The following SLC16A7 variants were observed in gnomAD, a reference collection of about 807,000 sequenced individuals.
SLC16A7 encodes solute carrier family 16 member 7.
A neutral mutation model predicts 34.9 loss-of-function variants in SLC16A7; 33 were observed. The observed-to-expected ratio is 0.94, with a 90% CI of 0.72 to 1.26. The LOEUF (loss-of-function observed/expected upper bound fraction) is 1.26. Among genes scored for constraint, SLC16A7 ranks in the 50% most tolerant of loss-of-function variants. The pLI is 0.00. For synonymous variants in SLC16A7, 201 were observed against 206.6 expected (o/e 0.97, Z 0.23); for missense variants, 573 against 578.1 (o/e 0.99, Z 0.09).
chr12:59,653,752 A>G (rs1565632471), intron 1 of SLC16A7, among the ~76,000 whole-genome samples: 1 of 151,700 alleles, frequency 6.6e-6, no homozygotes, highest in African/African-American at 2.4e-5. Context: ...TCAGCCTAAA[A>G]TTCCTTCCAT....
chr12:59,679,616 G>A (rs1234648580), intron 2 of SLC16A7, among the ~76,000 whole-genome samples: 2 of 152,090 alleles, frequency 1.3e-5, no homozygotes, highest in Non-Finnish European at 2.9e-5. Flanking sequence ...ATCATATGAT[G>A]TAATTATCTA....
chr12:59,628,311 T>A (rs138321923), intron 1 of SLC16A7, among the ~76,000 whole-genome samples: 1 of 152,026 alleles, frequency 6.6e-6, no homozygotes, highest in East Asian at 1.9e-4. Context: ...ATATTTTTAG[T>A]GTAAATTTTT....
chr12:59,691,270 C>T (rs770728592), intron 2 of SLC16A7, among the ~76,000 whole-genome samples: 2 of 151,936 alleles, frequency 1.3e-5, no homozygotes, highest in Non-Finnish European at 2.9e-5. Context: ...TCTGGAGCAT[C>T]GATTCAGTTG....
chr12:59,746,898 T>C (rs1389233078), intron 3 of SLC16A7, among the ~76,000 whole-genome samples: 2 of 152,164 alleles, frequency 1.3e-5, no homozygotes, highest in Admixed American at 6.5e-5. Context: ...GTAGTGACGA[T>C]CATAGCTTGC....
In SLC16A7 at chr12:59,638,455, A is replaced by G. The variant is rs138776991; in HGVS notation, c.-129-16697A>G. Among the ~76,000 whole-genome samples, 199 of 152,276 alleles carry G rather than the reference A, an allele frequency of 1.3e-3. 1 individual carries two copies. Among genetic ancestry groups the G allele is most frequent in the African/African-American group, 4.1e-3 (171 of 41,580 alleles). On this transcript the variant is annotated intron_variant, in intron 1 of 5. Transcript: ENST00000547379. ...GAAATGAAGAAAATTTGATTTTTAG[A>G]GCTTAACTAAATTTTCCCAATTCAC...
intron 2 of SLC16A7, among the ~76,000 whole-genome samples, chr12:59,691,316 A>G (rs1871622074): frequency 6.6e-6 from 1 of 151,992 alleles, no homozygotes; most frequent in Non-Finnish European, 1.5e-5. Context: ...GCAGTCTACA[A>G]GTGGATTTTT....
chr12:59,675,259 C>G lies in SLC16A7; in HGVS notation c.-31+20009C>G, dbSNP rs569337790. ...TTATGGGCTGAATCTTTGTGTACCC[C>G]CAAAATACCCAGTGTGATGGAATTT... On this transcript the variant is annotated intron_variant, in intron 2 of 5. Coordinates refer to ENST00000547379, the MANE Select transcript of SLC16A7 (RefSeq NM_001270623.2). 2.0e-5 allele frequency among the ~76,000 whole-genome samples: 3 copies of G among 152,258 alleles called. No homozygotes were observed. The East Asian group carries it at 5.8e-4, about 29-fold the overall frequency.
intron 2 of SLC16A7, among the ~76,000 whole-genome samples, chr12:59,683,459 G>A (rs1359593002): frequency 6.6e-6 from 1 of 152,038 alleles, no homozygotes; most frequent in African/African-American, 2.4e-5. Context: ...GAGGTGAAAA[G>A]CACATGAACC....
At chr12:59,681,305 A>G (rs1003371065) in intron 2 of SLC16A7, among the ~76,000 whole-genome samples, 3 of 152,228 alleles carry the variant, frequency 2.0e-5, no homozygotes, top group Non-Finnish European at 4.4e-5. Context: ...CCTCCTGGGC[A>G]TCCATGCACT....
chr12:59,740,922 C>A (rs1453853145), intron 3 of SLC16A7, among the ~76,000 whole-genome samples: 1 of 152,096 alleles, frequency 6.6e-6, no homozygotes, highest in Non-Finnish European at 1.5e-5. Flanking sequence ...CAATAACAGA[C>A]AAACAGAGAG....
chr12:59,700,482 A>C (rs1446929030), intron 2 of SLC16A7, among the ~76,000 whole-genome samples: 1 of 149,164 alleles, frequency 6.7e-6, no homozygotes. Flanking sequence ...TTGAAATATT[A>C]ATAATTGTAT....
intron 3 of SLC16A7, among the ~76,000 whole-genome samples, chr12:59,759,023 A>G (rs570247561): frequency 1.3e-5 from 2 of 151,730 alleles, no homozygotes; most frequent in African/African-American, 4.8e-5. Flanking sequence ...TTTTTTTTCT[A>G]TTTAAGGAAA....
intron 1 of SLC16A7, among the ~76,000 whole-genome samples, chr12:59,604,521 A>G (rs979168712): frequency 6.6e-6 from 1 of 152,244 alleles, no homozygotes; most frequent in African/African-American, 2.4e-5. Flanking sequence ...ATTGGACCAA[A>G]TAAGTGGCTA....
chr12:59,601,495 G>A (rs1878679623), intron 1 of SLC16A7, among the ~76,000 whole-genome samples: 1 of 152,176 alleles, frequency 6.6e-6, no homozygotes, highest in African/African-American at 2.4e-5. Flanking sequence ...AGTGATAAAT[G>A]GCAGTCGGTG....
chr12:59,668,479 G>C (rs186483234), intron 2 of SLC16A7, among the ~76,000 whole-genome samples: 1 of 152,158 alleles, frequency 6.6e-6, no homozygotes, highest in African/African-American at 2.4e-5. Context: ...GATGTGTGTG[G>C]AGCCTGTAGT....
At chr12:59,733,254 T>C (rs903935154) in intron 3 of SLC16A7, among the ~76,000 whole-genome samples, 1 of 152,170 alleles carries the variant, frequency 6.6e-6, no homozygotes, top group African/African-American at 2.4e-5. Flanking sequence ...GTGCTCGGCT[T>C]GTGGGATCTG....
At chr12:59,757,220 A>T (rs1357487360) in intron 3 of SLC16A7, among the ~76,000 whole-genome samples, 2 of 151,792 alleles carry the variant, frequency 1.3e-5, no homozygotes, top group African/African-American at 4.9e-5. Context: ...ACTAACCTGC[A>T]CATTGTGCAC....
Position 59,781,512 on chromosome 12 carries a change from A to T in SLC16A7, c.*1833A>T, listed in dbSNP as rs1243333206. The T allele has an allele frequency of 1.3e-5, 2 of 152,546 alleles. No individual in the cohort carries two copies. The highest frequency in any genetic ancestry group is 4.8e-5 in the African/African-American group (2 of 41,422). The allele number at this position is 152,546 out of a possible 1,614,324, so 9.4% of individuals were successfully genotyped here. ...ATATTTAGGAAGCTATATAAAATTC[A>T]GTTTTTCATTTAACATTTGCTCTTT... is the stretch of plus-strand genomic sequence containing the variant. On this transcript the variant is annotated 3_prime_UTR_variant, in exon 6 of 6. Transcript: ENST00000547379.
In SLC16A7 at chr12:59,784,485, ATGATT is replaced by A. The variant is rs1359071944; in HGVS notation, c.*4809_*4813del. 1.3e-5 allele frequency: 2 copies of A among 152,184 alleles called. No individual in the cohort carries two copies. The highest frequency in any genetic ancestry group is 2.9e-5 in the Non-Finnish European group (2 of 68,012). The allele number at this position is 152,184 out of a possible 1,614,324, so 9.4% of individuals were successfully genotyped here. A position where few individuals can be genotyped will look rare whatever the true frequency, so the allele number is the denominator to read the frequency against. On this transcript the variant is annotated 3_prime_UTR_variant, in exon 6 of 6. Coordinates refer to ENST00000547379, the MANE Select transcript of SLC16A7 (RefSeq NM_001270623.2). ...CCAAAAAAAAGATTATAAGATACAA[ATGATT>A]TGGTTTACCCATACAGTTACATATT...
Sources: gnomAD v4.1 joint callset for allele counts (sites outside exome capture counted in the v4.1 genomes callset) on GRCh38, gnomAD v4.1.1 for gene constraint, MANE v1.5 for transcripts, NCBI Gene and HGNC (gene_info 2026-07-23, HGNC 2026-07-21) for gene names.